AGPAT3: variants seen among roughly 807,000 people sequenced by gnomAD.
The protein encoded by AGPAT3 is 1-acylglycerol-3-phosphate O-acyltransferase 3.
A neutral mutation model predicts 47.3 loss-of-function variants in AGPAT3; 5 were observed. The observed-to-expected ratio is 0.11, with a 90% confidence interval of 0.06 to 0.22. AGPAT3 has a LOEUF of 0.22. AGPAT3 is among the 10% of genes least tolerant of loss of function. The pLI, the probability that AGPAT3 is intolerant of heterozygous loss-of-function variation, is 1.00. For missense variants in AGPAT3, 315 were observed against 493.0 expected (o/e 0.64, Z 3.42); for synonymous variants, 212 against 208.3 (o/e 1.02, Z -0.15).
In AGPAT3 at chr21:43,987,320, G is replaced by A. The variant is rs562514670; in HGVS notation, c.*4928G>A. 6.6e-6 allele frequency among the ~76,000 whole-genome samples: 1 copy of A among 152,262 alleles called. No homozygotes were observed. The highest frequency in any genetic ancestry group is 2.1e-4 in the South Asian group (1 of 4,828). On this transcript the variant is annotated 3_prime_UTR_variant, in exon 10 of 10. Coordinates refer to ENST00000291572, the MANE Select transcript of AGPAT3 (RefSeq NM_020132.5). ...CTTTTCAAGGCCCTCCCTTCCCTAC[G>A]AGTTGCTTTCTGGGAGGGGAAATTG...
chr21:43,911,446 A>AG (rs1164943203), intron 2 of AGPAT3, among the ~76,000 whole-genome samples: 3 of 152,264 alleles, frequency 2.0e-5, no homozygotes, highest in Non-Finnish European at 2.9e-5. Flanking sequence ...AGGCCAACGC[A>AG]GCGAGGCCTG....
chr21:43,924,729 G>C (rs1250434875), intron 2 of AGPAT3, among the ~76,000 whole-genome samples: 1 of 152,210 alleles, frequency 6.6e-6, no homozygotes, highest in East Asian at 1.9e-4. Flanking sequence ...CAGGAAGGTC[G>C]AGAAGGGCAC....
intron 2 of AGPAT3, among the ~76,000 whole-genome samples, chr21:43,951,357 A>G (rs1462693379): frequency 6.6e-6 from 1 of 152,240 alleles, no homozygotes; most frequent in African/African-American, 2.4e-5. Context: ...TGTCTAGAGC[A>G]TCAGAAATGA....
At chr21:43,917,041 C>T (rs1466705796) in intron 2 of AGPAT3, among the ~76,000 whole-genome samples, 4 of 152,144 alleles carry the variant, frequency 2.6e-5, no homozygotes, top group African/African-American at 9.7e-5. Flanking sequence ...TCTCTCCTGT[C>T]CCAGAGCCAA....
At chr21:43,868,058 T>C (rs2085547261) in intron 1 of AGPAT3, among the ~76,000 whole-genome samples, 1 of 152,210 alleles carries the variant, frequency 6.6e-6, no homozygotes, top group Admixed American at 6.5e-5. Flanking sequence ...GGCTTTCATG[T>C]AGTCATTTAC....
At chr21:43,872,761 C>T (rs116627874) in intron 1 of AGPAT3, among the ~76,000 whole-genome samples, 1 of 152,214 alleles carries the variant, frequency 6.6e-6, no homozygotes, top group Admixed American at 6.5e-5. Context: ...CATCCTTGTC[C>T]TGTTCCTGAT....
At chr21:43,976,779 A>G (rs1033344957) in intron 7 of AGPAT3, among the ~76,000 whole-genome samples, 5 of 152,150 alleles carry the variant, frequency 3.3e-5, no homozygotes, top group African/African-American at 1.2e-4. Flanking sequence ...GGGAAGGGAG[A>G]ACTGGGCACC....
chr21:43,913,881 T>G (rs1163486634), intron 2 of AGPAT3, among the ~76,000 whole-genome samples: 1 of 152,162 alleles, frequency 6.6e-6, no homozygotes, highest in African/African-American at 2.4e-5. Flanking sequence ...AGGTAAGAAA[T>G]TAACAGTGAG....
intron 4 of AGPAT3, among the ~76,000 whole-genome samples, chr21:43,968,434 A>C: frequency 7.3e-6 from 1 of 136,382 alleles, no homozygotes. Context: ...GGGGTGAGCA[A>C]GAGGGCCCTG....
At chr21:43,943,053 G>A (rs1485841324) in intron 2 of AGPAT3, among the ~76,000 whole-genome samples, 5 of 152,170 alleles carry the variant, frequency 3.3e-5, no homozygotes, top group African/African-American at 9.7e-5. Context: ...TGGTCATGCT[G>A]GGACATCATT....
chr21:43,868,326 T>C (rs1286277987), intron 1 of AGPAT3, among the ~76,000 whole-genome samples: 2 of 152,140 alleles, frequency 1.3e-5, no homozygotes, highest in Non-Finnish European at 2.9e-5. Flanking sequence ...TTACTGGTGG[T>C]GAATTGAAAG....
chr21:43,932,072 G>A lies in AGPAT3; in HGVS notation c.-48-27562G>A, dbSNP rs528850024. ...TGTACATTGTAGAAAGATTAATTAA[G>A]CTAATTAACATAGCTATCAGCTCAC... On this transcript the variant is annotated intron_variant, in intron 2 of 9. Coordinates refer to ENST00000291572, the MANE Select transcript of AGPAT3 (RefSeq NM_020132.5). This position sits in a 1 kb window ranked among gnomAD's most constrained non-coding sequence, Gnocchi z 5.2. Among the ~76,000 whole-genome samples the A allele has an allele frequency of 5.3e-5, 8 of 152,198 alleles. No individual in the cohort carries two copies. In the South Asian group the frequency reaches 1.7e-3, roughly 32 times the overall value.
At chr21:43,909,478 A>T (rs1365280990) in intron 2 of AGPAT3, among the ~76,000 whole-genome samples, 5 of 151,808 alleles carry the variant, frequency 3.3e-5, no homozygotes, top group Non-Finnish European at 7.4e-5. Context: ...TTGTATTTTT[A>T]GTAGAGATGG....
chr21:43,981,192 T>C lies in AGPAT3; in HGVS notation c.1042+5T>C. 6.2e-7 allele frequency: 1 copy of C among 1,614,102 alleles called. No homozygotes were observed. The highest frequency in any genetic ancestry group is 8.5e-7 in the Non-Finnish European group (1 of 1,179,974). ...TCTTGGGGTTTGTGGGAGCAGGTAA[T>C]GGACACTGTCGCTAACAGCTCACAC... On this transcript the variant is annotated splice_donor_5th_base_variant and intron_variant, in intron 9 of 9. Transcript: ENST00000291572. The surrounding 1 kb of genome is among the most constrained non-coding windows in gnomAD (Gnocchi z 5.3).
chr21:43,916,346 C>T (rs2086728900), intron 2 of AGPAT3: 1 of 152,188 alleles, frequency 6.6e-6, no homozygotes, highest in African/African-American at 2.4e-5. Context: ...ACGCACGTCT[C>T]CTGCCTTCAC....
chr21:43,917,873 TGGGGGTTGTGGGGGTTGTAGGGGTTGC>T (rs1276241913), intron 2 of AGPAT3, among the ~76,000 whole-genome samples: 26 of 68,884 alleles, frequency 3.8e-4, no homozygotes, highest in African/African-American at 1.5e-3. Context: ...GTGAGTGTTG[TGGGGGTTGTGGGGGTTGTAGGGGTTGC>T]GGGTGTTGTG....
At chr21:43,931,677 C>T (rs2087250002) in intron 2 of AGPAT3, among the ~76,000 whole-genome samples, 1 of 152,166 alleles carries the variant, frequency 6.6e-6, no homozygotes, top group Non-Finnish European at 1.5e-5. Flanking sequence ...TGACACTGAG[C>T]ATCCCCAGCC....
At chr21:43,971,648 G>A (rs1488750479) in intron 7 of AGPAT3, among the ~76,000 whole-genome samples, 158 bp downstream of exon 7, 1 of 152,232 alleles carries the variant, frequency 6.6e-6, no homozygotes, top group Non-Finnish European at 1.5e-5. Flanking sequence ...GCCCTGCTGA[G>A]CAGACACAGG....
chr21:43,866,199 T>TAG (rs2085503327), intron 1 of AGPAT3, among the ~76,000 whole-genome samples: 1 of 142,676 alleles, frequency 7.0e-6, no homozygotes, highest in African/African-American at 2.6e-5. Flanking sequence ...CCCAGACCTT[T>TAG]AAAAAAAAAA....
Sources: gnomAD v4.1 joint callset for allele counts (sites outside exome capture counted in the v4.1 genomes callset) on GRCh38, gnomAD v4.1.1 for gene constraint, Gnocchi (gnomAD v3.1) non-coding constraint, MANE v1.5 for transcripts, NCBI Gene and HGNC (gene_info 2026-07-23, HGNC 2026-07-21) for gene names.